The following MRTFB variants were observed in gnomAD, a reference collection of about 807,000 sequenced individuals.
MRTFB encodes myocardin-related transcription factor B.
MRTFB carries 29 observed loss-of-function variants against 104.2 expected under a neutral mutation model. That is an observed-to-expected ratio of 0.28 (90% CI 0.21 to 0.38). The LOEUF is 0.38. Ranked by LOEUF, MRTFB falls within the 10% of genes least tolerant of loss-of-function variation. The pLI, the probability that MRTFB is intolerant of heterozygous loss-of-function variation, is 1.00. For synonymous variants in MRTFB, 535 were observed against 519.5 expected (o/e 1.03, Z -0.41); for missense variants, 1,270 against 1,341.6 (o/e 0.95, Z 0.83).
intron 6 of MRTFB, among the ~76,000 whole-genome samples, chr16:14,216,837 C>A (rs981125676): frequency 1.3e-5 from 2 of 152,176 alleles, no homozygotes; most frequent in Non-Finnish European, 1.5e-5. Context: ...GTGAATTTGA[C>A]CCTCCTGCCA....
chr16:14,111,926 C>T (rs1239325982), intron 2 of MRTFB, among the ~76,000 whole-genome samples: 1 of 152,220 alleles, frequency 6.6e-6, no homozygotes, highest in African/African-American at 2.4e-5. Context: ...GCTGTCCCTC[C>T]ATACGGTGGC....
Position 14,247,090 on chromosome 16 carries a change from G to C in MRTFB, c.1830G>C (p.Gln610His), listed in dbSNP as rs1293019347. 5 of 1,614,086 alleles carry C rather than the reference G, an allele frequency of 3.1e-6. No individual in the cohort carries two copies. The highest frequency in any genetic ancestry group is 4.2e-6 in the Non-Finnish European group (5 of 1,180,048). ...MQLEVEKRGQ[Q>H]QRPLEAQPSA... ...TTGAGGTTGAAAAACGAGGGCAGCA[G>C]CAGCGGCCCCTGGAAGCCCAGCCCA... The change falls in exon 12 of 17, where the codon CAG becomes CAC. Residue 610 changes from glutamine to histidine, a missense_variant. Gln to His is a conservative substitution (Grantham distance 24). Transcript: ENST00000571589.
At chr16:14,196,851 G>T (rs2040453170) in intron 3 of MRTFB, among the ~76,000 whole-genome samples, 1 of 151,094 alleles carries the variant, frequency 6.6e-6, no homozygotes, top group Non-Finnish European at 1.5e-5. Context: ...CCTTGAAGAA[G>T]AACCCATTTT....
At position 14,177,931 on chromosome 16, in the gene MRTFB, T is replaced by TGTGC. The variant is rs2039641477; in HGVS notation, c.155-32309_155-32308insCGTG. ...GTGTGTGTGTGTGTGTGTGTGTGTG[T>TGTGC]GTGTGCACGCATTGGTGGGTGTTTA... is the stretch of plus-strand genomic sequence containing the variant. On this transcript the variant is annotated intron_variant, in intron 3 of 16. Transcript: ENST00000571589. The surrounding 1 kb of genome is among the most constrained non-coding windows in gnomAD (Gnocchi z 4.7). Among the ~76,000 whole-genome samples, 1 of 151,620 alleles carries TGTGC rather than the reference T, an allele frequency of 6.6e-6. No homozygotes were observed. The highest frequency in any genetic ancestry group is 1.9e-4 in the East Asian group (1 of 5,190).
intron 2 of MRTFB, among the ~76,000 whole-genome samples, chr16:14,112,071 T>C (rs933050097): frequency 2.6e-5 from 4 of 152,016 alleles, no homozygotes; most frequent in African/African-American, 9.7e-5. Context: ...CAGTGTGGAG[T>C]AGGGGCAGAG....
rs1378898939 is a variant in MRTFB, at chr16:14,140,708, A to G, written c.102A>G (p.Glu34=). 6.2e-7 allele frequency: 1 copy of G among 1,613,922 alleles called. No individual in the cohort carries two copies. The highest frequency in any genetic ancestry group is 1.7e-5 in the Admixed American group (1 of 59,992). Residue 34 remains glutamate (E), a synonymous_variant, in exon 3 of 17, where the codon GAA becomes GAG. Coordinates refer to ENST00000571589, the MANE Select transcript of MRTFB (RefSeq NM_001308142.2). Reference sequence around the variant, plus strand: ...AAGCTGTGGCTCATGAATTCCAGGAACTCTCCTTGCAGTCCAGTCAAAACT... The same window carrying G: ...AAGCTGTGGCTCATGAATTCCAGGAGCTCTCCTTGCAGTCCAGTCAAAACT... The part of the protein sequence containing the change: ...QSEAVAHEFQ[E]LSLQSSQNLP...
chr16:14,244,837 G>C (rs538090743), intron 10 of MRTFB, among the ~76,000 whole-genome samples: 1 of 152,252 alleles, frequency 6.6e-6, no homozygotes, highest in African/African-American at 2.4e-5. Context: ...ATGTTGTCCT[G>C]CACTGTGGCT....
intron 1 of MRTFB, among the ~76,000 whole-genome samples, chr16:14,076,541 G>C (rs1186599361): frequency 2.0e-5 from 3 of 152,194 alleles, no homozygotes; most frequent in Non-Finnish European, 4.4e-5. Flanking sequence ...TTGTTTAGCT[G>C]TTTAGCCTCC....
chr16:14,225,867 G>A (rs151007792), intron 8 of MRTFB, among the ~76,000 whole-genome samples: 14 of 152,232 alleles, frequency 9.2e-5, no homozygotes, highest in African/African-American at 2.9e-4. Context: ...TTGTCAGGAC[G>A]TGACCACTGG....
At chr16:14,062,114 A>G in the MRTFB span, among the ~76,000 whole-genome samples, 1 of 151,216 alleles carries the variant, frequency 6.6e-6, no homozygotes, top group East Asian at 1.9e-4. Context: ...GTTTTTTGAG[A>G]TAGGGTCTTG....
intron 9 of MRTFB, among the ~76,000 whole-genome samples, chr16:14,236,284 A>G (rs573848437): frequency 1.3e-5 from 2 of 152,328 alleles, no homozygotes; most frequent in Admixed American, 6.5e-5. Flanking sequence ...TAAGTGGGGG[A>G]AAGTGTTTTC....
At chr16:14,066,839 T>C (rs1019077552), upstream of MRTFB, among the ~76,000 whole-genome samples, 3 of 152,038 alleles carry the variant, frequency 2.0e-5, no homozygotes, top group Non-Finnish European at 4.4e-5. Context: ...AATTTTTTAA[T>C]GTTTAATTTT....
chr16:14,261,349 T>C lies in MRTFB; in HGVS notation c.3205T>C (p.Ser1069Pro). The C allele has an allele frequency of 6.2e-7, 1 of 1,614,170 alleles. No individual in the cohort carries two copies. Among genetic ancestry groups the C allele is most frequent in the South Asian group, 1.1e-5 (1 of 91,076 alleles). Residue 1069 changes from serine to proline, a missense_variant, in exon 17 of 17, where the codon TCC becomes CCC. Around this residue, in one of 3 missense-constraint regions of MRTFB, gnomAD observed 1,144 missense variants for 1,131.5 expected, o/e 1.01. Transcript: ENST00000571589. ...GTGGTTGGACATTACCATGCCCAACTCCTCTTCAGGACTCACTCCTCTCAG... is the reference window on the plus strand; with the variant it reads ...GTGGTTGGACATTACCATGCCCAACCCCTCTTCAGGACTCACTCCTCTCAG... Reference protein sequence around the residue: ...MEWLDITMPNSSSGLTPLSTT... With the variant: ...MEWLDITMPNPSSGLTPLSTT...
At chr16:14,171,567 G>C (rs916121694) in intron 3 of MRTFB, among the ~76,000 whole-genome samples, 2 of 151,664 alleles carry the variant, frequency 1.3e-5, no homozygotes, top group African/African-American at 2.4e-5. Context: ...TTAAAAACCA[G>C]ATATCCTTAA....
chr16:14,195,528 C>T (rs1036295226), intron 3 of MRTFB: 11 of 985,204 alleles, frequency 1.1e-5, no homozygotes, highest in Non-Finnish European at 1.2e-5. Context: ...AAAGGAAAAC[C>T]GAGATACTGA....
At chr16:14,132,389 G>C (rs945067153) in intron 2 of MRTFB, among the ~76,000 whole-genome samples, 1 of 151,766 alleles carries the variant, frequency 6.6e-6, no homozygotes, top group South Asian at 2.1e-4. Flanking sequence ...ATTAAAAGAC[G>C]ACCAAATTTT....
chr16:14,038,667 T>C, the MRTFB span, among the ~76,000 whole-genome samples: 1 of 152,152 alleles, frequency 6.6e-6, no homozygotes, highest in African/African-American at 2.4e-5. Flanking sequence ...ACCCTCAAAC[T>C]TAGTGGCTTC....
chr16:13,996,184 A>G, the MRTFB span, among the ~76,000 whole-genome samples: 1 of 152,048 alleles, frequency 6.6e-6, no homozygotes, highest in Non-Finnish European at 1.5e-5. Flanking sequence ...AGGCATGAGA[A>G]TCACTTGAAC....
rs1175250989 is a variant in MRTFB at position 14,265,169 on chromosome 16, C to CT, written c.*3730dup. Reference sequence around the variant, plus strand: ...GGGGAGCTCATGGTGCCGCTGGGGACTTTTTAGAGAAATGTAAAGAGAATA... The same window carrying CT: ...GGGGAGCTCATGGTGCCGCTGGGGACTTTTTTAGAGAAATGTAAAGAGAATA... On this transcript the variant is annotated 3_prime_UTR_variant, in exon 17 of 17. Transcript: ENST00000571589. 1 of 152,188 alleles carries CT rather than the reference C, an allele frequency of 6.6e-6. No homozygotes were observed. The highest frequency in any genetic ancestry group is 1.5e-5 in the Non-Finnish European group (1 of 68,036). The allele number at this position is 152,188 out of a possible 1,614,324, so 9.4% of individuals were successfully genotyped here. A position where few individuals can be genotyped will look rare whatever the true frequency, so the allele number is the denominator to read the frequency against.
Sources: gnomAD v4.1 joint callset for allele counts (sites outside exome capture counted in the v4.1 genomes callset) on GRCh38, gnomAD v4.1.1 for gene constraint, gnomAD v4.1.1 regional missense constraint, Gnocchi (gnomAD v3.1) non-coding constraint, MANE v1.5 for transcripts, NCBI Gene and HGNC (gene_info 2026-07-23, HGNC 2026-07-21) for gene names.